Variants in TMEM212 observed in about 807,000 individuals in gnomAD.
The protein encoded by TMEM212 is transmembrane protein 212.
TMEM212 carries 23 observed loss-of-function variants against 20.5 expected under a neutral mutation model. The ratio of observed to expected loss-of-function variants is 1.12; its 90% CI spans 0.81 to 1.59. The LOEUF is 1.59. TMEM212 is among the 40% of genes most tolerant of loss of function. The pLI, the probability that TMEM212 is intolerant of heterozygous loss-of-function variation, is 0.00. For synonymous variants in TMEM212, 76 were observed against 81.6 expected, an observed-to-expected ratio of 0.93 and a Z score of 0.37; for missense variants, 211 against 215.0, an observed-to-expected ratio of 0.98 and a Z score of 0.12.
intron 2 of TMEM212, 146 bp from the exon 3 acceptor site, chr3:171,853,381 T>G (rs1186644512): frequency 2.9e-6 from 2 of 700,470 alleles, no homozygotes; most frequent in African/African-American, 3.6e-5. Flanking sequence ...AATGAAAATA[T>G]AAAGAGAGAG....
intron 1 of TMEM212, among the ~76,000 whole-genome samples, chr3:171,848,882 G>A (rs1372720664): frequency 2.6e-5 from 4 of 151,122 alleles, no homozygotes; most frequent in East Asian, 3.9e-4. Context: ...AGGCCTCCCC[G>A]TATTCCAATC....
Position 171,858,876 on chromosome 3 carries a change from A to G in TMEM212, c.*819A>G, listed in dbSNP as rs1419468969. On this transcript the variant is annotated 3_prime_UTR_variant, in exon 5 of 5. Coordinates refer to ENST00000334567, the MANE Select transcript of TMEM212 (RefSeq NM_001164436.2). Reference sequence around the variant, plus strand: ...GTATGTTTATTGCGGCACTATTCACAATAGTAAAGACTTGGAACCAACCCA... The same window carrying G: ...GTATGTTTATTGCGGCACTATTCACGATAGTAAAGACTTGGAACCAACCCA... 1 of 152,194 alleles carries G rather than the reference A, an allele frequency of 6.6e-6. No homozygotes were observed. The allele number at this position is 152,194 out of a possible 1,614,324, so 9.4% of individuals were successfully genotyped here. A position where few individuals can be genotyped will look rare whatever the true frequency, so the allele number is the denominator to read the frequency against.
In TMEM212 at chr3:171,851,974, T is replaced by C. The variant is rs1724987028; in HGVS notation, c.160-8T>C. The C allele has an allele frequency of 2.0e-6, 3 of 1,536,746 alleles. No individual in the cohort carries two copies. The highest frequency in any genetic ancestry group is 3.9e-5 in the Admixed American group (2 of 50,970). ...GTGGATGTTTATTTTTCCATTTTCTTGTCACAGGCCATCACAACTGGTGTG... is the reference window on the plus strand; with the variant it reads ...GTGGATGTTTATTTTTCCATTTTCTCGTCACAGGCCATCACAACTGGTGTG... On this transcript the variant is annotated splice_polypyrimidine_tract_variant and splice_region_variant and intron_variant, in intron 1 of 4. Transcript: ENST00000334567.
intron 3 of TMEM212, among the ~76,000 whole-genome samples, chr3:171,856,453 C>T (rs77171806): frequency 1.1e-3 from 167 of 152,306 alleles, no homozygotes; most frequent in African/African-American, 3.9e-3. Flanking sequence ...TGAACCACCC[C>T]AGGTGAAGCA....
intron 1 of TMEM212, among the ~76,000 whole-genome samples, chr3:171,849,310 C>A (rs527437784): frequency 2.0e-5 from 3 of 152,342 alleles, no homozygotes; most frequent in South Asian, 4.1e-4. Context: ...TCTTCTCATG[C>A]AGAAAACATT....
chr3:171,843,841 T>G (rs957272697), intron 1 of TMEM212, among the ~76,000 whole-genome samples: 1 of 152,156 alleles, frequency 6.6e-6, no homozygotes, highest in Non-Finnish European at 1.5e-5. Flanking sequence ...TGCTAAGAAA[T>G]TAGAATCTTT....
At chr3:171,848,182 A>C (rs1222556900) in intron 1 of TMEM212, among the ~76,000 whole-genome samples, 1 of 152,178 alleles carries the variant, frequency 6.6e-6, no homozygotes, top group Non-Finnish European at 1.5e-5. Context: ...TGTAACGTGC[A>C]TACAAATCAT....
At position 171,851,743 on chromosome 3, in the gene TMEM212, A is replaced by C. The variant is rs182654432; in HGVS notation, c.160-239A>C. On this transcript the variant is annotated intron_variant, in intron 1 of 4. Transcript: ENST00000334567. ...AGGCGATGATTCTGATGGCAAAGGC[A>C]ACATAGAGAATCAAAAAATGAACTT... Among the ~76,000 whole-genome samples, 371 of 152,384 alleles carry C rather than the reference A, an allele frequency of 2.4e-3. 3 individuals carry two copies. The Middle Eastern group carries it at 0.027, about 11-fold the overall frequency.
At chr3:171,848,495 G>T (rs1436487041) in intron 1 of TMEM212, among the ~76,000 whole-genome samples, 1 of 151,642 alleles carries the variant, frequency 6.6e-6, no homozygotes. Context: ...CAAACTGTGG[G>T]AATCTATCCA....
At chr3:171,853,451 A>T (rs890668562) in intron 2 of TMEM212, 76 bp from the exon 3 acceptor site, 2 of 1,282,146 alleles carry the variant, frequency 1.6e-6, no homozygotes. Context: ...CATCTCTTTT[A>T]TTTTCTTCAT....
In TMEM212 at chr3:171,853,662, G is replaced by A. The variant is rs1725042331; in HGVS notation, c.355G>A (p.Gly119Ser). ...FSGIAGTNYL[G>S]YAVTFPYPYA... Reference sequence around the variant, plus strand: ...AGGGATTGCAGGGACTAATTACCTTGGCTATGCAGTTACCTTTCCTTATCC... The same window carrying A: ...AGGGATTGCAGGGACTAATTACCTTAGCTATGCAGTTACCTTTCCTTATCC... Residue 119 changes from glycine to serine, a missense_variant, in exon 3 of 5, where the codon GGC becomes AGC. By Grantham distance (56) the Gly-to-Ser change is moderately conservative. Coordinates refer to ENST00000334567, the MANE Select transcript of TMEM212 (RefSeq NM_001164436.2). The A allele has an allele frequency of 2.6e-6, 4 of 1,537,396 alleles. No homozygotes were observed. The East Asian group carries it at 9.8e-5, about 38-fold the overall frequency.
In TMEM212 at chr3:171,858,440, T is replaced by G. The variant is rs1310551082; in HGVS notation, c.*383T>G. ...ATTAACTCAAGATGGATTAAAGACT[T>G]AAATGTAAGACCTAAAACCATAAAA... On this transcript the variant is annotated 3_prime_UTR_variant, in exon 5 of 5. Coordinates refer to ENST00000334567, the MANE Select transcript of TMEM212 (RefSeq NM_001164436.2). 6.6e-6 allele frequency: 1 copy of G among 152,050 alleles called. No homozygotes were observed. Among genetic ancestry groups the G allele is most frequent in the Non-Finnish European group, 1.5e-5 (1 of 68,014 alleles). The allele number at this position is 152,050 out of a possible 1,614,324, so 9.4% of individuals were successfully genotyped here. A position where few individuals can be genotyped will look rare whatever the true frequency, so the allele number is the denominator to read the frequency against.
intron 1 of TMEM212, among the ~76,000 whole-genome samples, chr3:171,850,491 C>T (rs1724950345): frequency 6.6e-6 from 1 of 152,218 alleles, no homozygotes; most frequent in Admixed American, 6.5e-5. Flanking sequence ...AGAGTTAAAC[C>T]AGCAGAGGGG....
At chr3:171,843,585 G>A in intron 1 of TMEM212, 43 bp downstream of exon 1, 1 of 1,460,442 alleles carries the variant, frequency 6.8e-7, no homozygotes, top group Admixed American at 2.2e-5. Flanking sequence ...AATAAAAGAA[G>A]GTGGGAGGGA....
At chr3:171,852,365 T>A (rs1454886218) in intron 2 of TMEM212, among the ~76,000 whole-genome samples, 2 of 152,150 alleles carry the variant, frequency 1.3e-5, no homozygotes, top group Non-Finnish European at 2.9e-5. Context: ...CATGCCCAGC[T>A]AATTTTTGTA....
intron 1 of TMEM212, among the ~76,000 whole-genome samples, chr3:171,848,580 G>A (rs77426853): frequency 0.018 from 2,558 of 144,588 alleles, 90 homozygotes; most frequent in African/African-American, 0.063. Flanking sequence ...AATAGAATAG[G>A]ATAGAATAGA....
chr3:171,849,999 T>A (rs1724935573), intron 1 of TMEM212, among the ~76,000 whole-genome samples: 2 of 152,196 alleles, frequency 1.3e-5, no homozygotes, highest in South Asian at 4.2e-4. Context: ...TTCAGCCAAC[T>A]ATTCCCCCCT....
intron 2 of TMEM212, among the ~76,000 whole-genome samples, chr3:171,852,259 G>A (rs547592038): frequency 1.3e-3 from 203 of 151,848 alleles, no homozygotes; most frequent in African/African-American, 4.6e-3. Context: ...GGAGTGCAGT[G>A]GCATGATCTC....
At chr3:171,848,258 T>C (rs1324736748) in intron 1 of TMEM212, among the ~76,000 whole-genome samples, 2 of 152,180 alleles carry the variant, frequency 1.3e-5, no homozygotes, top group Non-Finnish European at 2.9e-5. Flanking sequence ...AGAGTCTGCA[T>C]GTCTAATGAG....
Sources: allele counts gnomAD v4.1 joint callset (sites outside exome capture counted in the v4.1 genomes callset), GRCh38; gene constraint gnomAD v4.1.1; transcripts MANE v1.5; gene names NCBI Gene and HGNC (gene_info 2026-07-23, HGNC 2026-07-21).